Variants in SAMMSON observed in about 807,000 individuals in gnomAD.
The protein encoded by SAMMSON is long intergenic non-protein coding RNA 1212.
At chr3:70,052,152 T>C (rs2067148732) in intron 3 of SAMMSON, among the ~76,000 whole-genome samples, 1 of 150,792 alleles carries the variant, frequency 6.6e-6, no homozygotes, top group Non-Finnish European at 1.5e-5. Flanking sequence ...ATATAACCTA[T>C]TTATTTTCTT....
chr3:70,289,888 C>T (rs1468099636), intron 6 of SAMMSON, among the ~76,000 whole-genome samples: 2 of 151,440 alleles, frequency 1.3e-5, no homozygotes, highest in Non-Finnish European at 2.9e-5. Context: ...ACGTAGTTCT[C>T]GAGCCTTGGT....
At chr3:70,249,528 C>G (rs1274520985) in intron 5 of SAMMSON, 1 of 152,124 alleles carries the variant, frequency 6.6e-6, no homozygotes, top group Non-Finnish European at 1.5e-5. Flanking sequence ...ATCCTTTCCC[C>G]TCTCTCTTTT....
chr3:70,172,874 C>T (rs1700970746), intron 4 of SAMMSON: 1 of 151,918 alleles, frequency 6.6e-6, no homozygotes, highest in South Asian at 2.1e-4. Context: ...ATACATGTTC[C>T]ATAATAGTTA....
At chr3:70,122,172 T>C (rs1268753887) in intron 4 of SAMMSON, among the ~76,000 whole-genome samples, 1 of 152,192 alleles carries the variant, frequency 6.6e-6, no homozygotes, top group Admixed American at 6.5e-5. Flanking sequence ...TGATGGTCTT[T>C]ATAATTTTAT....
intron 7 of SAMMSON, among the ~76,000 whole-genome samples, chr3:70,323,524 T>A (rs1006975960): frequency 6.6e-6 from 1 of 152,190 alleles, no homozygotes; most frequent in African/African-American, 2.4e-5. Context: ...GGCTGCGCAC[T>A]GCAGAACTCC....
intron 2 of SAMMSON, among the ~76,000 whole-genome samples, chr3:70,415,838 C>G (rs1230564416): frequency 6.6e-6 from 1 of 152,148 alleles, no homozygotes; most frequent in Non-Finnish European, 1.5e-5. Flanking sequence ...GGACACCGAG[C>G]TACCCTTTAA....
intron 3 of SAMMSON, among the ~76,000 whole-genome samples, chr3:70,016,824 C>T (rs1339995692): frequency 6.6e-6 from 1 of 152,148 alleles, no homozygotes; most frequent in Non-Finnish European, 1.5e-5. Flanking sequence ...GTTTTCCCAG[C>T]ACCATTTATT....
chr3:70,416,156 G>T (rs1035949028), intron 2 of SAMMSON, among the ~76,000 whole-genome samples: 2 of 152,148 alleles, frequency 1.3e-5, no homozygotes, highest in African/African-American at 4.8e-5. Context: ...ATTTCAATGG[G>T]AACAATTTCT....
chr3:70,298,843 G>A (rs1183800038), intron 7 of SAMMSON, among the ~76,000 whole-genome samples: 1 of 152,080 alleles, frequency 6.6e-6, no homozygotes, highest in Non-Finnish European at 1.5e-5. Flanking sequence ...CTTGGGACCT[G>A]GTCCTGTTGT....
At position 70,432,423 on chromosome 3, in the gene SAMMSON, G is replaced by A. The variant is rs11926507; in HGVS notation, n.234-30137G>A. Among the ~76,000 whole-genome samples, 123 of 151,470 alleles carry A rather than the reference G, an allele frequency of 8.1e-4. 1 individual carries two copies. Among genetic ancestry groups the A allele is most frequent in the African/African-American group, 2.5e-3 (103 of 41,258 alleles). ...TATATATATATATATACTATCAAAT[G>A]TATGTATTGTGTTTTCAATCTGTTG... On this transcript the variant is annotated intron_variant and non_coding_transcript_variant, in intron 2 of 3. Coordinates refer to the SAMMSON transcript ENST00000641053.
chr3:70,434,120 G>A (rs925528581), intron 2 of SAMMSON, among the ~76,000 whole-genome samples: 1 of 152,048 alleles, frequency 6.6e-6, no homozygotes, highest in Non-Finnish European at 1.5e-5. Context: ...GGGTCTATTG[G>A]CCTTTCCATG....
At chr3:70,077,991 G>A (rs771446429) in intron 4 of SAMMSON, among the ~76,000 whole-genome samples, 8 of 152,020 alleles carry the variant, frequency 5.3e-5, no homozygotes, top group Non-Finnish European at 5.9e-5. Context: ...CCTTGACCCC[G>A]TTTATCCCTG....
intron 7 of SAMMSON, among the ~76,000 whole-genome samples, chr3:70,336,595 C>G (rs900974985): frequency 1.3e-5 from 2 of 151,960 alleles, no homozygotes; most frequent in African/African-American, 4.8e-5. Flanking sequence ...AAGGACATCT[C>G]CTACTTATGA....
At chr3:70,333,407 T>C (rs1312269638) in intron 7 of SAMMSON, among the ~76,000 whole-genome samples, 3 of 152,028 alleles carry the variant, frequency 2.0e-5, no homozygotes, top group Admixed American at 1.3e-4. Flanking sequence ...AATGGTTATA[T>C]ACACACACAC....
At chr3:70,339,177 G>A (rs1702690553) in intron 7 of SAMMSON, among the ~76,000 whole-genome samples, 1 of 152,156 alleles carries the variant, frequency 6.6e-6, no homozygotes, top group Non-Finnish European at 1.5e-5. Context: ...AATAAATGGT[G>A]CTGGGAAAAC....
chr3:70,349,313 G>T (rs1702774618), intron 7 of SAMMSON, among the ~76,000 whole-genome samples: 1 of 152,096 alleles, frequency 6.6e-6, no homozygotes. Context: ...GGCAGAGGTT[G>T]CAGTGAGCCG....
intron 6 of SAMMSON, among the ~76,000 whole-genome samples, chr3:70,275,468 T>G (rs1166810317): frequency 1.3e-5 from 2 of 152,176 alleles, no homozygotes; most frequent in African/African-American, 2.4e-5. Flanking sequence ...TGAGCAGTGA[T>G]CATGCCACTG....
chr3:70,152,296 G>A (rs185594109), intron 4 of SAMMSON, among the ~76,000 whole-genome samples: 1 of 152,014 alleles, frequency 6.6e-6, no homozygotes, highest in Admixed American at 6.6e-5. Context: ...GTCCCTAAAA[G>A]TATGAATAGG....
At chr3:70,125,996 T>C (rs1458250328) in intron 4 of SAMMSON, 5 of 814,644 alleles carry the variant, frequency 6.1e-6, no homozygotes, top group Non-Finnish European at 1.0e-5. Flanking sequence ...TCTTCATAGA[T>C]GGGAGGCTGC....
Sources: allele counts gnomAD v4.1 joint callset (sites outside exome capture counted in the v4.1 genomes callset), GRCh38; gene constraint gnomAD v4.1.1; transcripts MANE v1.5; gene names NCBI Gene and HGNC (gene_info 2026-07-23, HGNC 2026-07-21).